Variants in NEK6 observed in about 807,000 individuals in gnomAD.
The protein encoded by NEK6 is serine/threonine-protein kinase Nek6.
NEK6 carries 27 observed loss-of-function variants against 43.5 expected under a neutral mutation model. The ratio of observed to expected loss-of-function variants is 0.62; its 90% CI spans 0.46 to 0.86. NEK6 has a LOEUF of 0.86. Ranked by LOEUF, NEK6 falls within the 40% of genes least tolerant of loss-of-function variation. The pLI is 0.00. For synonymous variants in NEK6, 167 were observed against 164.1 expected, an observed-to-expected ratio of 1.02 and a Z score of -0.14; for missense variants, 318 against 414.4, an observed-to-expected ratio of 0.77 and a Z score of 2.02.
At chr9:124,342,378 A>C (rs993496845) in intron 8 of NEK6, among the ~76,000 whole-genome samples, 2 of 152,176 alleles carry the variant, frequency 1.3e-5, no homozygotes, top group Admixed American at 6.5e-5. Flanking sequence ...TTACCAACTC[A>C]CTTTCATCCA....
At chr9:124,304,080 C>A (rs964532396) in intron 2 of NEK6, among the ~76,000 whole-genome samples, 1 of 152,224 alleles carries the variant, frequency 6.6e-6, no homozygotes, top group African/African-American at 2.4e-5. Flanking sequence ...CAGCGGCTGT[C>A]GGGCAACGAT....
At position 124,301,984 on chromosome 9, in the gene NEK6, A is replaced by G. The variant is rs1365078463; in HGVS notation, c.20A>G (p.His7Arg). Residue 7 changes from histidine to arginine, a missense_variant, in exon 2 of 10, where the codon CAC becomes CGC. His to Arg is a conservative substitution (Grantham distance 29, BLOSUM62 0). Coordinates refer to ENST00000320246, the MANE Select transcript of NEK6 (RefSeq NM_014397.6). The part of the protein sequence containing the change: MAGQPG[H>R]MPHGGSSNNL... The stretch of plus-strand genomic sequence containing the variant: ...TGCAGGATGGCAGGACAGCCCGGCC[A>G]CATGCCCCATGGAGGGAGTTCCAAC... The G allele has an allele frequency of 6.2e-6, 10 of 1,603,046 alleles. No individual in the cohort carries two copies. Among genetic ancestry groups the G allele is most frequent in the Non-Finnish European group, 8.5e-6 (10 of 1,174,838 alleles).
In NEK6 at chr9:124,261,507, G is replaced by T. The variant is rs952847783; in HGVS notation, c.-30+3422G>T. 4.1e-6 allele frequency: 4 copies of T among 985,326 alleles called. No homozygotes were observed. The African/African-American group carries it at 5.2e-5, about 13-fold the overall frequency. 61.0% of individuals were successfully genotyped at this position (985,326 alleles called of 1,614,324 possible). Reference sequence around the variant, plus strand: ...GGGACACTGTTCGCAGGAAGAGTCCGGTGTTCTGGCCCCCTGATGTCACCT... The same window carrying T: ...GGGACACTGTTCGCAGGAAGAGTCCTGTGTTCTGGCCCCCTGATGTCACCT... On this transcript the variant is annotated intron_variant, in intron 1 of 9. Transcript: ENST00000320246.
chr9:124,323,037 C>T (rs984912018), intron 5 of NEK6, among the ~76,000 whole-genome samples: 5 of 136,106 alleles, frequency 3.7e-5, no homozygotes, highest in Non-Finnish European at 6.6e-5. Flanking sequence ...CTCCTTCACA[C>T]GGATTCCCTT....
In NEK6 at chr9:124,314,434, C is replaced by T. The variant is rs559341484; in HGVS notation, c.294+449C>T. On this transcript the variant is annotated intron_variant, in intron 4 of 9. Transcript: ENST00000320246. The stretch of plus-strand genomic sequence containing the variant: ...GTTTTTCTCTTTCTCATCCTCTTTC[C>T]ATCTCTCCTCTCAGCCTTTTTCTTT... 2.3e-3 allele frequency among the ~76,000 whole-genome samples: 341 copies of T among 151,448 alleles called. 1 individual carries two copies. Among genetic ancestry groups the T allele is most frequent in the African/African-American group, 8.2e-3 (338 of 41,188 alleles).
intron 4 of NEK6, among the ~76,000 whole-genome samples, chr9:124,316,427 C>A (rs541710447): frequency 1.3e-5 from 2 of 152,340 alleles, no homozygotes; most frequent in South Asian, 4.1e-4. Flanking sequence ...GAGCAGAGCC[C>A]CTGATGGCAG....
rs551132531 is a variant in NEK6, at chr9:124,282,931, C to T, written c.-29-19005C>T. Among the ~76,000 whole-genome samples the T allele has an allele frequency of 5.3e-5, 8 of 152,220 alleles. No individual in the cohort carries two copies. In the East Asian group the frequency reaches 7.7e-4, roughly 15 times the overall value. ...CAGTAATGACAGGGCCCGCCATTCC[C>T]GGCAGCGCCCACCAGCACAGCCTCC... On this transcript the variant is annotated intron_variant, in intron 1 of 9. Transcript: ENST00000320246.
rs1335693005 is a variant in NEK6 at position 124,347,689 on chromosome 9, G to A, written c.718-20G>A. 14 of 1,498,296 alleles carry A rather than the reference G, an allele frequency of 9.3e-6. No individual in the cohort carries two copies. The highest frequency in any genetic ancestry group is 1.7e-4 in the Middle Eastern group (1 of 5,772). The allele number at this position is 1,498,296 out of a possible 1,614,324, so 92.8% of individuals were successfully genotyped here. A position where few individuals can be genotyped will look rare whatever the true frequency, so the allele number is the denominator to read the frequency against. ...GCCTTGAGGCCGAAAGCTTATCTTC[G>A]TTGTTCCCGTCCCTTGCAGATGGCA... On this transcript the variant is annotated intron_variant, in intron 8 of 9. Coordinates refer to ENST00000320246, the MANE Select transcript of NEK6 (RefSeq NM_014397.6).
At chr9:124,299,413 G>T (rs1255531935) in intron 1 of NEK6, among the ~76,000 whole-genome samples, 1 of 152,184 alleles carries the variant, frequency 6.6e-6, no homozygotes, top group Non-Finnish European at 1.5e-5. Flanking sequence ...TTTACATTCT[G>T]CTCTCTCTCA....
At chr9:124,346,419 G>A (rs556130935) in intron 8 of NEK6, among the ~76,000 whole-genome samples, 97 of 152,304 alleles carry the variant, frequency 6.4e-4, no homozygotes, top group Non-Finnish European at 1.1e-3. Context: ...TCTGGGGCGC[G>A]AGGACAAGCG....
intron 1 of NEK6, among the ~76,000 whole-genome samples, chr9:124,287,344 G>C (rs902427065): frequency 6.6e-6 from 1 of 152,242 alleles, no homozygotes; most frequent in African/African-American, 2.4e-5. Context: ...GGAGCACGAC[G>C]TAGGCAGACA....
intron 1 of NEK6, among the ~76,000 whole-genome samples, chr9:124,297,117 G>C (rs1158981262): frequency 6.6e-6 from 1 of 152,230 alleles, no homozygotes; most frequent in Non-Finnish European, 1.5e-5. Context: ...ATGCTGCGTA[G>C]GACATAGAGC....
chr9:124,316,480 T>A (rs1488400595), intron 4 of NEK6, among the ~76,000 whole-genome samples: 1 of 152,138 alleles, frequency 6.6e-6, no homozygotes, highest in Non-Finnish European at 1.5e-5. Flanking sequence ...TCTCCCTCCC[T>A]TCCCTCTGGC....
At chr9:124,313,873 A>T in intron 3 of NEK6, 50 bp from the exon 4 acceptor site, 1 of 1,605,370 alleles carries the variant, frequency 6.2e-7, no homozygotes, top group Non-Finnish European at 8.5e-7. Flanking sequence ...CCTTTGGGTC[A>T]CTGGACACAG....
chr9:124,340,989 G>A (rs1829582692), intron 8 of NEK6, among the ~76,000 whole-genome samples: 1 of 152,216 alleles, frequency 6.6e-6, no homozygotes, highest in Admixed American at 6.5e-5. Flanking sequence ...ATTACAGATT[G>A]AGACTATGAG....
intron 8 of NEK6, among the ~76,000 whole-genome samples, chr9:124,344,047 T>C (rs995164076): frequency 4.6e-5 from 7 of 152,166 alleles, no homozygotes; most frequent in Non-Finnish European, 8.8e-5. Flanking sequence ...TGTTTCCTTA[T>C]GTTTTCCATG....
At chr9:124,334,023 C>T (rs988870742) in intron 7 of NEK6, among the ~76,000 whole-genome samples, 20 of 152,196 alleles carry the variant, frequency 1.3e-4, no homozygotes, top group African/African-American at 3.4e-4. Flanking sequence ...GTGATCCACC[C>T]GCCTTGGCCT....
chr9:124,321,222 CATT>C (rs1834051238), intron 4 of NEK6, among the ~76,000 whole-genome samples: 1 of 152,262 alleles, frequency 6.6e-6, no homozygotes, highest in Admixed American at 6.5e-5. Context: ...TGCTTCAAAA[CATT>C]ATGCCAGTTT....
At chr9:124,267,223 A>G (rs1467803875) in intron 1 of NEK6, among the ~76,000 whole-genome samples, 2 of 152,256 alleles carry the variant, frequency 1.3e-5, no homozygotes, top group Non-Finnish European at 2.9e-5. Flanking sequence ...GCATTGAAAG[A>G]GGAAAGATTC....
Sources: allele counts gnomAD v4.1 joint callset (sites outside exome capture counted in the v4.1 genomes callset), GRCh38; gene constraint gnomAD v4.1.1; transcripts MANE v1.5; gene names NCBI Gene and HGNC (gene_info 2026-07-23, HGNC 2026-07-21).